The following PTPRD variants were observed in gnomAD, a reference collection of about 807,000 sequenced individuals.
PTPRD encodes the protein receptor-type tyrosine-protein phosphatase delta.
In PTPRD, 34 loss-of-function variants were observed where a neutral mutation model predicts 214.5. That is an observed-to-expected ratio of 0.16 (90% confidence interval 0.12 to 0.21). The LOEUF (loss-of-function observed/expected upper bound fraction) is 0.21, where lower values mean the gene tolerates loss of function less well. Ranked by LOEUF, PTPRD falls within the 10% of genes least tolerant of loss-of-function variation. The pLI is 1.00. For synonymous variants in PTPRD, 1,128 were observed against 845.7 expected, an observed-to-expected ratio of 1.33 and a Z score of -5.79; for missense variants, 2,545 against 2,398.7, an observed-to-expected ratio of 1.06 and a Z score of -1.27.
At chr9:8,674,568 C>T (rs1285993931) in intron 12 of PTPRD, among the ~76,000 whole-genome samples, 1 of 148,480 alleles carries the variant, frequency 6.7e-6, no homozygotes, top group Non-Finnish European at 1.5e-5. Context: ...TGCTACTTTA[C>T]TTATGAAAGC....
intron 2 of PTPRD, among the ~76,000 whole-genome samples, chr9:10,527,230 G>T (rs185437873): frequency 6.6e-6 from 1 of 151,992 alleles, no homozygotes; most frequent in South Asian, 2.1e-4. Flanking sequence ...AAATATGCTC[G>T]CAAGTCTGCT....
chr9:9,226,950 G>T (rs2099959874), intron 9 of PTPRD, among the ~76,000 whole-genome samples: 1 of 151,936 alleles, frequency 6.6e-6, no homozygotes, highest in African/African-American at 2.4e-5. Flanking sequence ...ACTAAAGGAG[G>T]ACTTTAATTC....
rs137980962 is a variant in PTPRD at position 8,468,060 on chromosome 9, T to C, written c.3505-2385A>G. 1.2e-3 allele frequency among the ~76,000 whole-genome samples: 187 copies of C among 152,146 alleles called. No individual in the cohort carries two copies. The South Asian group carries it at 0.014, about 11-fold the overall frequency. On this transcript the variant is annotated intron_variant, in intron 31 of 45. Transcript: ENST00000381196. ...AATAGTCGCAATTCATCCATATCAT[T>C]GTCATTCCCACAAGCACTTTCTGCT...
At chr9:8,496,604 A>C (rs2097277953) in intron 26 of PTPRD, among the ~76,000 whole-genome samples, 1 of 152,182 alleles carries the variant, frequency 6.6e-6, no homozygotes, top group South Asian at 2.1e-4. Context: ...TTCACCATTC[A>C]AATATGTATG....
intron 9 of PTPRD, among the ~76,000 whole-genome samples, chr9:9,263,616 G>T (rs2099981102): frequency 6.6e-6 from 1 of 151,616 alleles, no homozygotes; most frequent in Non-Finnish European, 1.5e-5. Flanking sequence ...TAATTAATAT[G>T]CCCTTCCTTT....
intron 2 of PTPRD, among the ~76,000 whole-genome samples, chr9:10,540,346 G>T (rs1274180328): frequency 6.6e-6 from 1 of 152,074 alleles, no homozygotes; most frequent in Non-Finnish European, 1.5e-5. Flanking sequence ...CTTTTAAATT[G>T]GTGTTCTGTG....
intron 7 of PTPRD, among the ~76,000 whole-genome samples, chr9:9,675,310 A>C (rs1193280226): frequency 1.3e-5 from 2 of 151,884 alleles, no homozygotes; most frequent in African/African-American, 4.8e-5. Flanking sequence ...ATATATTCTT[A>C]AATGCTCATA....
intron 21 of PTPRD, among the ~76,000 whole-genome samples, chr9:8,512,476 G>C (rs768706744): frequency 1.3e-5 from 2 of 151,920 alleles, no homozygotes; most frequent in Non-Finnish European, 1.5e-5. Flanking sequence ...TCTTTTTCTA[G>C]TTTGCTTGTA....
At chr9:9,537,659 G>C (rs558056470) in intron 8 of PTPRD, among the ~76,000 whole-genome samples, 139 of 152,016 alleles carry the variant, frequency 9.1e-4, no homozygotes, top group Non-Finnish European at 1.3e-3. Context: ...ATATGGCTAA[G>C]GGTGTTGTTT....
At chr9:8,875,072 C>G (rs990312446) in intron 11 of PTPRD, among the ~76,000 whole-genome samples, 6 of 152,104 alleles carry the variant, frequency 3.9e-5, no homozygotes, top group African/African-American at 1.4e-4. Context: ...AAGAGAGTCA[C>G]CCATTTATAA....
intron 12 of PTPRD, among the ~76,000 whole-genome samples, chr9:8,712,044 C>G (rs577460111): frequency 6.6e-6 from 1 of 152,286 alleles, no homozygotes; most frequent in South Asian, 2.1e-4. Context: ...ATGCATCTGT[C>G]AAGACTCATA....
At chr9:9,847,769 G>A (rs901736838) in intron 5 of PTPRD, among the ~76,000 whole-genome samples, 10 of 151,974 alleles carry the variant, frequency 6.6e-5, no homozygotes, top group African/African-American at 2.2e-4. Flanking sequence ...AAGTTATTTC[G>A]GAGCATTAAA....
At chr9:9,910,586 A>C (rs1359311992) in intron 5 of PTPRD, among the ~76,000 whole-genome samples, 1 of 151,984 alleles carries the variant, frequency 6.6e-6, no homozygotes, top group Non-Finnish European at 1.5e-5. Context: ...CTAGTTACTA[A>C]ATTATAAGTG....
chr9:9,058,960 G>A (rs746301691), intron 10 of PTPRD, among the ~76,000 whole-genome samples: 7 of 152,110 alleles, frequency 4.6e-5, no homozygotes, highest in Non-Finnish European at 7.4e-5. Context: ...CATCTCAGCT[G>A]AAGAAGAGGA....
intron 9 of PTPRD, among the ~76,000 whole-genome samples, chr9:9,363,227 A>G (rs1474999280): frequency 6.6e-6 from 1 of 150,786 alleles, no homozygotes; most frequent in Non-Finnish European, 1.5e-5. Context: ...TAAGGCCACA[A>G]GAGCAATTAC....
chr9:8,483,949 T>C (rs560836967), intron 30 of PTPRD, among the ~76,000 whole-genome samples, 170 bp downstream of exon 30: 1 of 152,340 alleles, frequency 6.6e-6, no homozygotes, highest in African/African-American at 2.4e-5. Flanking sequence ...TTACAATGAA[T>C]ACTAGGACAC....
chr9:10,459,459 C>G lies in PTPRD; in HGVS notation c.-599-118442G>C, dbSNP rs1212829852. 2.0e-5 allele frequency among the ~76,000 whole-genome samples: 3 copies of G among 152,190 alleles called. No individual in the cohort carries two copies. The East Asian group carries it at 5.8e-4, about 29-fold the overall frequency. ...TCAAATGGTATTACTGGTTCTAGAT[C>G]CTTGAGGAATCACCACACCATCTTC... On this transcript the variant is annotated intron_variant, in intron 2 of 45. Coordinates refer to ENST00000381196, the MANE Select transcript of PTPRD (RefSeq NM_002839.4).
chr9:9,497,592 G>C (rs184174017), intron 8 of PTPRD, among the ~76,000 whole-genome samples: 50 of 152,144 alleles, frequency 3.3e-4, no homozygotes, highest in Non-Finnish European at 6.0e-4. Context: ...GACTGGTTTT[G>C]GTAAGAACAT....
chr9:9,432,243 G>T (rs1353035751), intron 8 of PTPRD, among the ~76,000 whole-genome samples: 2 of 151,832 alleles, frequency 1.3e-5, no homozygotes, highest in African/African-American at 4.8e-5. Context: ...ATTAAAAGTG[G>T]GGAGACTTCC....
Sources: allele counts gnomAD v4.1 joint callset (sites outside exome capture counted in the v4.1 genomes callset), GRCh38; gene constraint gnomAD v4.1.1; transcripts MANE v1.5; gene names NCBI Gene and HGNC (gene_info 2026-07-23, HGNC 2026-07-21).